NDUFB6: variants seen among roughly 807,000 people sequenced by gnomAD.
NDUFB6 encodes the protein NADH dehydrogenase [ubiquinone] 1 beta subcomplex subunit 6.
A neutral mutation model predicts 17.5 loss-of-function variants in NDUFB6; 23 were observed. The ratio of observed to expected loss-of-function variants is 1.31; its 90% CI spans 0.94 to 1.86. The LOEUF (loss-of-function observed/expected upper bound fraction) is 1.86, where lower values mean the gene tolerates loss of function less well. Among genes scored for constraint, NDUFB6 ranks in the 40% most tolerant of loss-of-function variants. NDUFB6 has a pLI of 0.00. For missense variants in NDUFB6, 167 were observed against 153.8 expected (o/e 1.09, Z -0.46); for synonymous variants, 60 against 53.5 (o/e 1.12, Z -0.53).
At chr9:32,571,226 CAG>C (rs1200744058) in intron 1 of NDUFB6, among the ~76,000 whole-genome samples, 174 bp from the exon 2 acceptor site, 2 of 152,196 alleles carry the variant, frequency 1.3e-5, no homozygotes, top group South Asian at 2.1e-4. Context: ...TTAGTAAATG[CAG>C]AGTCTGCTAG....
rs775137280 is a variant in NDUFB6 at position 32,573,074 on chromosome 9, C to A, written c.-14G>T. The stretch of plus-strand genomic sequence containing the variant: ...GTACCCCGTCATGTCGCCGCTGGTA[C>A]CAACGCAAAAGGACACGGCGCACCC... On this transcript the variant is annotated 5_prime_UTR_variant, in exon 1 of 4. Coordinates refer to ENST00000379847, the MANE Select transcript of NDUFB6 (RefSeq NM_002493.5). 2 of 1,543,316 alleles carry A rather than the reference C, an allele frequency of 1.3e-6. No individual in the cohort carries two copies. Among genetic ancestry groups the A allele is most frequent in the South Asian group, 1.2e-5 (1 of 84,206 alleles).
intron 2 of NDUFB6, chr9:32,567,830 CCT>C: frequency 4.4e-6 from 1 of 227,360 alleles, no homozygotes; most frequent in South Asian, 7.1e-5. Context: ...TGTCCTATTC[CCT>C]GAGACACAAC....
chr9:32,565,642 A>G (rs1392087845), intron 2 of NDUFB6: 1 of 152,908 alleles, frequency 6.5e-6, no homozygotes, highest in African/African-American at 2.4e-5. Context: ...AGTACCCCAA[A>G]GTTGTCCTCT....
At chr9:32,563,837 T>G (rs1321517663) in intron 2 of NDUFB6, among the ~76,000 whole-genome samples, 1 of 152,248 alleles carries the variant, frequency 6.6e-6, no homozygotes, top group Non-Finnish European at 1.5e-5. Context: ...ATTATTTACT[T>G]TGAAGTTCAA....
rs1048795548 is a variant in NDUFB6 at position 32,561,112 on chromosome 9, A to C, written c.274-2158T>G. 2.0e-5 allele frequency among the ~76,000 whole-genome samples: 3 copies of C among 152,354 alleles called. No homozygotes were observed. In the South Asian group the frequency reaches 6.2e-4, roughly 32 times the overall value. ...TAAAGCCCATCAACAACAGAAATACAAACTATTCTCTCACCCTTAGATATA... is the reference window on the plus strand; with the variant it reads ...TAAAGCCCATCAACAACAGAAATACCAACTATTCTCTCACCCTTAGATATA... On this transcript the variant is annotated intron_variant, in intron 2 of 3. Transcript: ENST00000379847.
intron 2 of NDUFB6, among the ~76,000 whole-genome samples, chr9:32,562,862 T>G (rs1466073518): frequency 5.3e-5 from 8 of 152,236 alleles, no homozygotes; most frequent in Admixed American, 5.2e-4. Flanking sequence ...TTTAAAATTC[T>G]GACTGCCAAC....
At chr9:32,563,490 G>GTTTTTTTTTTTT (rs1239149080) in intron 2 of NDUFB6, among the ~76,000 whole-genome samples, 10 of 47,544 alleles carry the variant, frequency 2.1e-4, no homozygotes, top group South Asian at 1.3e-3. Flanking sequence ...GGACTATTGG[G>GTTTTTTTTTTTT]CTTTTTTTTT....
intron 1 of NDUFB6, among the ~76,000 whole-genome samples, chr9:32,571,803 G>C (rs1328734121): frequency 1.3e-5 from 2 of 152,184 alleles, no homozygotes; most frequent in African/African-American, 4.8e-5. Context: ...CTTTAAATCA[G>C]TGACTGCCAA....
At chr9:32,569,572 G>A (rs978029771) in intron 2 of NDUFB6, among the ~76,000 whole-genome samples, 9 of 152,196 alleles carry the variant, frequency 5.9e-5, no homozygotes, top group Non-Finnish European at 1.0e-4. Flanking sequence ...AGAGTGCAGT[G>A]GCACAATCAC....
At chr9:32,554,381 T>A (rs1007350210) in intron 3 of NDUFB6, among the ~76,000 whole-genome samples, 2 of 152,326 alleles carry the variant, frequency 1.3e-5, no homozygotes, top group African/African-American at 4.8e-5. Context: ...AATACAAACT[T>A]TGGCTAGGCA....
chr9:32,571,138 G>A, intron 1 of NDUFB6, 86 bp from the exon 2 acceptor site: 2 of 871,912 alleles, frequency 2.3e-6, no homozygotes, highest in Non-Finnish European at 3.6e-6. Flanking sequence ...ATGTAACAAT[G>A]CCATGACTAT....
At chr9:32,557,542 C>T (rs566550019) in intron 3 of NDUFB6, among the ~76,000 whole-genome samples, 1 of 151,752 alleles carries the variant, frequency 6.6e-6, no homozygotes, top group Non-Finnish European at 1.5e-5. Flanking sequence ...TGCAGTGCCA[C>T]GATCTCAGCT....
intron 3 of NDUFB6, 39 bp from the exon 4 acceptor site, chr9:32,553,983 G>T: frequency 7.8e-7 from 1 of 1,279,846 alleles, no homozygotes; most frequent in Non-Finnish European, 1.1e-6. Context: ...AAAATCTTAA[G>T]TCTACAGAGG....
At chr9:32,568,748 A>ATATATATATT (rs1213123923) in intron 2 of NDUFB6, 41 of 114,360 alleles carry the variant, frequency 3.6e-4, no homozygotes, top group African/African-American at 1.1e-3. Context: ...ATATATATAT[A>ATATATATATT]TTTTTTTTTT....
At chr9:32,569,378 C>T (rs1821891671) in intron 2 of NDUFB6, among the ~76,000 whole-genome samples, 1 of 152,038 alleles carries the variant, frequency 6.6e-6, no homozygotes, top group African/African-American at 2.4e-5. Context: ...GCCACCATGC[C>T]CAGCTCATTT....
rs761634938 is a variant in NDUFB6, at chr9:32,571,055, G to A, written c.181-3C>T. 6.3e-7 allele frequency: 1 copy of A among 1,581,110 alleles called. No homozygotes were observed. The highest frequency in any genetic ancestry group is 1.8e-5 in the Admixed American group (1 of 56,402). Reference sequence around the variant, plus strand: ...CTCTTTTTGTATACCCCATGGACCTGGGGGGAAAAACACATACACAAAATA... The same window carrying A: ...CTCTTTTTGTATACCCCATGGACCTAGGGGGAAAAACACATACACAAAATA... On this transcript the variant is annotated splice_polypyrimidine_tract_variant and splice_region_variant and intron_variant, in intron 1 of 3. Coordinates refer to ENST00000379847, the MANE Select transcript of NDUFB6 (RefSeq NM_002493.5).
rs1189813419 is a variant in NDUFB6 at position 32,553,209 on chromosome 9, T to G, written c.*667A>C. 7.5e-6 allele frequency: 2 copies of G among 265,574 alleles called. No individual in the cohort carries two copies. The highest frequency in any genetic ancestry group is 1.4e-5 in the Non-Finnish European group (2 of 139,366). The allele number at this position is 265,574 out of a possible 1,614,324, so 16.5% of individuals were successfully genotyped here. A position where few individuals can be genotyped will look rare whatever the true frequency, so the allele number is the denominator to read the frequency against. On this transcript the variant is annotated 3_prime_UTR_variant, in exon 4 of 4. Coordinates refer to ENST00000379847, the MANE Select transcript of NDUFB6 (RefSeq NM_002493.5). ...AAATGATTCGGAAAGCTTTTTTTTT[T>G]TTTGAGACGGAGTCTTGCTCTGTCG...
intron 3 of NDUFB6, among the ~76,000 whole-genome samples, chr9:32,558,088 G>C (rs1821519104): frequency 6.6e-6 from 1 of 150,924 alleles, no homozygotes; most frequent in South Asian, 2.1e-4. Flanking sequence ...TTTCAAATTA[G>C]TACTATAGCT....
chr9:32,571,268 C>T (rs979057686), intron 1 of NDUFB6, among the ~76,000 whole-genome samples: 5 of 149,154 alleles, frequency 3.4e-5, no homozygotes, highest in African/African-American at 1.2e-4. Context: ...GACCAAAATG[C>T]TTAAGCAGTA....
Sources: allele counts gnomAD v4.1 joint callset (sites outside exome capture counted in the v4.1 genomes callset), GRCh38; gene constraint gnomAD v4.1.1; transcripts MANE v1.5; gene names NCBI Gene and HGNC (gene_info 2026-07-23, HGNC 2026-07-21).